NTM: variants seen among roughly 807,000 people sequenced by gnomAD.
The protein encoded by NTM is IgLON family member 2.
In NTM, 13 loss-of-function variants were observed where a neutral mutation model predicts 42.1. That is an observed-to-expected ratio of 0.31 (90% CI 0.20 to 0.49). NTM has a LOEUF of 0.49. Among genes scored for constraint, NTM ranks in the 20% least tolerant of loss-of-function variants. NTM has a pLI of 0.99. For missense variants in NTM, 373 were observed against 452.8 expected (o/e 0.82, Z 1.60); for synonymous variants, 187 against 179.2 (o/e 1.04, Z -0.35).
At chr11:131,391,571 A>C (rs1307964689) in intron 1 of NTM, among the ~76,000 whole-genome samples, 4 of 106,798 alleles carry the variant, frequency 3.7e-5, no homozygotes, top group Admixed American at 3.5e-4. Context: ...AGGTGTTGAC[A>C]AGTCTTTTTT....
At chr11:132,153,416 T>C (rs1355178571) in intron 3 of NTM, among the ~76,000 whole-genome samples, 1 of 152,212 alleles carries the variant, frequency 6.6e-6, no homozygotes, top group Non-Finnish European at 1.5e-5. Context: ...GAGGTCTCTT[T>C]ATGGTCTCAT....
chr11:131,455,579 G>A (rs1023223211), intron 1 of NTM: 32 of 152,420 alleles, frequency 2.1e-4, no homozygotes, highest in African/African-American at 7.0e-4. Context: ...AGGGAGAAAG[G>A]TTTAGCAGTG....
chr11:131,603,774 C>T (rs778454841), intron 1 of NTM, among the ~76,000 whole-genome samples: 4 of 152,170 alleles, frequency 2.6e-5, no homozygotes, highest in Non-Finnish European at 5.9e-5. Flanking sequence ...TATCAATGGA[C>T]TCATATACCA....
intron 2 of NTM, among the ~76,000 whole-genome samples, chr11:132,104,296 A>C (rs1478840562): frequency 1.3e-5 from 2 of 152,100 alleles, no homozygotes; most frequent in Non-Finnish European, 2.9e-5. Flanking sequence ...TTGAGTGATG[A>C]GATTATAGGA....
chr11:131,515,905 TGCTTA>T (rs2048837629), intron 1 of NTM, among the ~76,000 whole-genome samples: 2 of 152,246 alleles, frequency 1.3e-5, no homozygotes, highest in African/African-American at 2.4e-5. Flanking sequence ...GTCCATTCTC[TGCTTA>T]GCTTCTAGGT....
At chr11:132,138,575 T>TGTCTATC (rs1566271661) in intron 2 of NTM, among the ~76,000 whole-genome samples, 3 of 27,834 alleles carry the variant, frequency 1.1e-4, no homozygotes, top group African/African-American at 3.1e-4. Flanking sequence ...TCTATCTATC[T>TGTCTATC]ATCTATCTAT....
At chr11:131,466,944 C>A (rs530676405) in intron 1 of NTM, among the ~76,000 whole-genome samples, 7 of 152,312 alleles carry the variant, frequency 4.6e-5, no homozygotes, top group Non-Finnish European at 2.9e-5. Context: ...CAGCTCACTG[C>A]ACACTCACTG....
intron 2 of NTM, among the ~76,000 whole-genome samples, chr11:131,940,353 A>AAGTGGG (rs2059664292): frequency 6.6e-6 from 1 of 152,228 alleles, no homozygotes; most frequent in Non-Finnish European, 1.5e-5. Flanking sequence ...TGAGGAAGAA[A>AAGTGGG]AGTGGGTGGT....
chr11:131,420,076 T>A (rs772027486), intron 1 of NTM, among the ~76,000 whole-genome samples: 3 of 152,176 alleles, frequency 2.0e-5, no homozygotes, highest in Non-Finnish European at 4.4e-5. Context: ...TATAGCAGGC[T>A]GCATAATGAG....
intron 1 of NTM, among the ~76,000 whole-genome samples, chr11:131,677,069 G>C (rs1053646829): frequency 1.6e-4 from 25 of 152,226 alleles, no homozygotes; most frequent in Admixed American, 5.2e-4. Context: ...CCAGCAGCTA[G>C]ATCTGCCTCT....
intron 2 of NTM, among the ~76,000 whole-genome samples, chr11:132,006,461 C>G (rs1232090998): frequency 1.3e-5 from 2 of 152,160 alleles, no homozygotes; most frequent in African/African-American, 4.8e-5. Context: ...GAGAAGGCAG[C>G]CTCTTTTTGA....
chr11:132,328,379 T>C (rs987697550), intron 7 of NTM, among the ~76,000 whole-genome samples: 11 of 152,138 alleles, frequency 7.2e-5, no homozygotes, highest in African/African-American at 2.2e-4. Flanking sequence ...TCTTTACCTA[T>C]GTGGACACTA....
chr11:131,628,017 C>G lies in NTM; in HGVS notation c.82+257129C>G, dbSNP rs138613299. Among the ~76,000 whole-genome samples the G allele has an allele frequency of 7.3e-3, 1,118 of 152,214 alleles. 28 individuals are homozygous for G. Among genetic ancestry groups the G allele is most frequent in the African/African-American group, 0.026 (1,069 of 41,532 alleles). On this transcript the variant is annotated intron_variant, in intron 1 of 8. Coordinates refer to ENST00000683400, the MANE Select transcript of NTM (RefSeq NM_001352005.2). ...CTCTGACAGTGTATGCCCTAAGTCC[C>G]CTGCAACTTAAATGTCTATGGTAAT...
At chr11:131,750,374 A>T (rs141293688) in intron 1 of NTM, among the ~76,000 whole-genome samples, 218 of 152,254 alleles carry the variant, frequency 1.4e-3, no homozygotes, top group African/African-American at 4.9e-3. Context: ...GCAAAGTGTC[A>T]TTCTGGCAAC....
chr11:131,550,711 T>G (rs535328580), intron 1 of NTM, among the ~76,000 whole-genome samples: 1 of 152,206 alleles, frequency 6.6e-6, no homozygotes, highest in South Asian at 2.1e-4. Context: ...GAAAACAGAC[T>G]AATACACCTA....
intron 4 of NTM, among the ~76,000 whole-genome samples, chr11:132,267,886 C>A (rs531744265): frequency 6.6e-6 from 1 of 151,550 alleles, no homozygotes; most frequent in South Asian, 2.1e-4. Context: ...ATTGAAAAAT[C>A]ATATCATATC....
chr11:131,712,173 TA>T (rs369228119), intron 1 of NTM, among the ~76,000 whole-genome samples: 90 of 133,996 alleles, frequency 6.7e-4, no homozygotes, highest in Admixed American at 1.8e-3. Flanking sequence ...ATTAAAAAAT[TA>T]AAAAAAAAAA....
chr11:132,046,984 C>T (rs2078108477), intron 2 of NTM, among the ~76,000 whole-genome samples: 1 of 152,128 alleles, frequency 6.6e-6, no homozygotes, highest in South Asian at 2.1e-4. Context: ...TCATAGCAGC[C>T]CTAGGAATTT....
intron 1 of NTM, among the ~76,000 whole-genome samples, chr11:131,488,965 A>G (rs1053146172): frequency 1.3e-5 from 2 of 152,224 alleles, no homozygotes; most frequent in African/African-American, 2.4e-5. Flanking sequence ...TAACAATTCT[A>G]AAATCCAGGA....
Sources: gnomAD v4.1 joint callset for allele counts (sites outside exome capture counted in the v4.1 genomes callset) on GRCh38, gnomAD v4.1.1 for gene constraint, MANE v1.5 for transcripts, NCBI Gene and HGNC (gene_info 2026-07-23, HGNC 2026-07-21) for gene names.